PHB1: variants seen among roughly 807,000 people sequenced by gnomAD.
The protein encoded by PHB1 is prohibitin 1.
At chr17:49,405,352 C>CG in the PHB1 span, 4 of 653,364 alleles carry the variant, frequency 6.1e-6, no homozygotes, top group South Asian at 1.9e-5. Flanking sequence ...GCGGGGGAAG[C>CG]GGGGGGAAGC....
chr17:49,406,649 C>T, the PHB1 span: 4 of 798,170 alleles, frequency 5.0e-6, no homozygotes, highest in African/African-American at 6.8e-5. Flanking sequence ...TCTGATTATC[C>T]CGGAAGAAGG....
At chr17:49,406,687 C>T in the PHB1 span, 45 of 1,066,582 alleles carry the variant, frequency 4.2e-5, no homozygotes, top group East Asian at 1.0e-3. Flanking sequence ...TTCCAGGCCA[C>T]CCAGCAAATG....
the PHB1 span, chr17:49,407,167 C>T: frequency 3.3e-6 from 1 of 301,622 alleles, no homozygotes; most frequent in Non-Finnish European, 6.5e-6. Flanking sequence ...CGACCACCTC[C>T]CCAGAGGAGG....
chr17:49,411,903 T>C, the PHB1 span: 104 of 1,469,758 alleles, frequency 7.1e-5, no homozygotes, highest in African/African-American at 1.3e-3. Flanking sequence ...AAGGATCATG[T>C]CTTTGAAAGA....
At chr17:49,412,582 A>C in the PHB1 span, 2 of 152,660 alleles carry the variant, frequency 1.3e-5, no homozygotes, top group Non-Finnish European at 2.9e-5. Flanking sequence ...AGAATGTCAG[A>C]ATTAAAGGAG....
At chr17:49,405,250 C>T in the PHB1 span, 5 of 1,533,252 alleles carry the variant, frequency 3.3e-6, no homozygotes, top group South Asian at 1.1e-5. Flanking sequence ...CAGGGCACCG[C>T]ATGTCAGGCT....
At chr17:49,411,675 C>A in the PHB1 span, 1 of 1,613,518 alleles carries the variant, frequency 6.2e-7, no homozygotes, top group Non-Finnish European at 8.5e-7. Flanking sequence ...AGGCAAGACT[C>A]ACCTTTGCTA....
chr17:49,411,514 A>G, the PHB1 span, among the ~76,000 whole-genome samples: 1 of 152,086 alleles, frequency 6.6e-6, no homozygotes, highest in African/African-American at 2.4e-5. Context: ...GGGTATTTCT[A>G]AGATTCCATA....
the PHB1 span, chr17:49,406,974 G>A: frequency 1.1e-5 from 8 of 717,138 alleles, no homozygotes; most frequent in African/African-American, 1.7e-5. Flanking sequence ...GGAGGCATCC[G>A]TGAGGCCAGA....
At chr17:49,409,543 G>T in the PHB1 span, 14,083 of 835,156 alleles carry the variant, frequency 0.017, 1 homozygote, top group Admixed American at 0.038. Flanking sequence ...TTTTTTTTTT[G>T]TTTTTTTTTT....
the PHB1 span, among the ~76,000 whole-genome samples, chr17:49,405,955 G>A: frequency 6.6e-6 from 1 of 152,194 alleles, no homozygotes; most frequent in South Asian, 2.1e-4. Flanking sequence ...TCTCTGCAAC[G>A]TGTGACCTTC....
the PHB1 span, chr17:49,413,266 T>C: frequency 6.2e-7 from 1 of 1,604,548 alleles, no homozygotes; most frequent in Admixed American, 1.7e-5. Context: ...GGCAGCCATG[T>C]TTCCTTCTGC....
At chr17:49,407,491 C>G in the PHB1 span, 1 of 153,682 alleles carries the variant, frequency 6.5e-6, no homozygotes, top group Non-Finnish European at 1.4e-5. Context: ...CATTGGTCGG[C>G]ATGAGGGTTT....
At chr17:49,409,486 G>A in the PHB1 span, 2 of 1,497,438 alleles carry the variant, frequency 1.3e-6, no homozygotes, top group East Asian at 5.3e-5. Flanking sequence ...TAGGGTAGGG[G>A]ACAAACACTG....
chr17:49,406,120 G>A, the PHB1 span, among the ~76,000 whole-genome samples: 3 of 152,162 alleles, frequency 2.0e-5, no homozygotes, highest in Non-Finnish European at 4.4e-5. Context: ...TGAAGTTATG[G>A]CAGATACAAA....
the PHB1 span, chr17:49,412,974 A>C: frequency 1.9e-6 from 1 of 515,962 alleles, no homozygotes; most frequent in Non-Finnish European, 3.5e-6. Flanking sequence ...TTTTGAATAC[A>C]GGCTCTGAGA....
chr17:49,407,527 C>T, the PHB1 span: 3 of 152,588 alleles, frequency 2.0e-5, no homozygotes, highest in African/African-American at 7.2e-5. Context: ...CATAGACCTT[C>T]CCTAATCATG....
At chr17:49,411,028 C>T in the PHB1 span, among the ~76,000 whole-genome samples, 2 of 152,136 alleles carry the variant, frequency 1.3e-5, no homozygotes, top group Non-Finnish European at 2.9e-5. Context: ...GCCCATGAGA[C>T]AGCCCTGAAC....
chr17:49,411,018 G>A, the PHB1 span, among the ~76,000 whole-genome samples: 192 of 152,166 alleles, frequency 1.3e-3, 1 homozygote, highest in East Asian at 0.017. Flanking sequence ...TGGACCAAGC[G>A]CCCATGAGAC....
Sources: allele counts gnomAD v4.1 joint callset (sites outside exome capture counted in the v4.1 genomes callset), GRCh38; gene constraint gnomAD v4.1.1; transcripts MANE v1.5; gene names NCBI Gene and HGNC (gene_info 2026-07-23, HGNC 2026-07-21).